Variants in NR1I3 observed in about 807,000 individuals in gnomAD.
NR1I3 encodes constitutive activator of retinoid response.
In NR1I3, 30 loss-of-function variants were observed where a neutral mutation model predicts 38.4. That is an observed-to-expected ratio of 0.78 (90% CI 0.58 to 1.06). The LOEUF (loss-of-function observed/expected upper bound fraction) is 1.06, where lower values mean the gene tolerates loss of function less well. Ranked by LOEUF, NR1I3 falls within the 50% of genes least tolerant of loss-of-function variation. NR1I3 has a pLI of 0.00. For synonymous variants in NR1I3, 143 were observed against 165.1 expected (o/e 0.87, Z 1.03); for missense variants, 388 against 435.7 (o/e 0.89, Z 0.97).
chr1:161,237,729 A>G (rs555127693), intron 1 of NR1I3, among the ~76,000 whole-genome samples: 4 of 147,132 alleles, frequency 2.7e-5, no homozygotes, highest in Non-Finnish European at 6.2e-5. Flanking sequence ...AAAAAAACCC[A>G]AAAAAACAAA....
intron 1 of NR1I3, among the ~76,000 whole-genome samples, chr1:161,237,196 C>T (rs544415176): frequency 6.8e-6 from 1 of 147,510 alleles, no homozygotes; most frequent in Admixed American, 6.8e-5. Flanking sequence ...CTCTCTTATT[C>T]CTTTCTTTCC....
At chr1:161,231,051 T>C (rs751396433) in intron 7 of NR1I3, 66 bp downstream of exon 7, 1 of 1,613,806 alleles carries the variant, frequency 6.2e-7, no homozygotes, top group South Asian at 1.1e-5. Flanking sequence ...GTGGATGGAC[T>C]CAAGGAGCTG....
In NR1I3 at chr1:161,238,033, T is replaced by C. The variant is rs371475713; in HGVS notation, c.-34+8A>G. 6.2e-7 allele frequency: 1 copy of C among 1,613,144 alleles called. No individual in the cohort carries two copies. The highest frequency in any genetic ancestry group is 8.5e-7 in the Non-Finnish European group (1 of 1,179,134). ...CATTTAGTCTTTGGTCCCCAACAGA[T>C]TTCCTACCTGCTTCTCTTAGGCAGC... On this transcript the variant is annotated splice_region_variant and intron_variant, in intron 1 of 8. Transcript: ENST00000367983.
At position 161,233,591 on chromosome 1, in the gene NR1I3, G is replaced by A. The variant is rs181887994; in HGVS notation, c.239-253C>T. Among the ~76,000 whole-genome samples the A allele has an allele frequency of 2.5e-3, 381 of 152,256 alleles. 1 individual carries two copies. The highest frequency in any genetic ancestry group is 4.3e-3 in the Non-Finnish European group (294 of 68,032). On this transcript the variant is annotated intron_variant, in intron 3 of 8. Transcript: ENST00000367983. ...CTGTGGGGGAGAAGGGAAGGGTGGC[G>A]AGGAAAGTATGAAAGATGTGAGGAA...
rs369311646 is a variant in NR1I3, at chr1:161,229,806, G to T, written c.1038C>A (p.Ile346=). The change falls in exon 9 of 9, where the codon ATC becomes ATA. Residue 346 remains isoleucine, a synonymous_variant. Transcript: ENST00000367983. ...LSAMMPLLQE[I]CS ...GGAAGTGAGCATGGCCTCAGCTGCA[G>T]ATCTCCTGGAGCAGCGGCATCATGG... The T allele has an allele frequency of 6.2e-6, 10 of 1,614,242 alleles. No homozygotes were observed. The highest frequency in any genetic ancestry group is 1.7e-5 in the Admixed American group (1 of 60,020).
At position 161,230,814 on chromosome 1, in the gene NR1I3, G is replaced by T; in HGVS notation, c.916C>A (p.Arg306=). ...IKGQQRRPRD[R]FLYAKLLGLL... ...CAAGCCCTCAGTGTCCCACCGTACC[G>T]ATCCCGGGGCCTTCGCTGCTGGCCC... The change falls in exon 8 of 9, where the codon CGG becomes AGG. Residue 306 remains arginine, a splice_region_variant and synonymous_variant. Coordinates refer to ENST00000367983, the MANE Select transcript of NR1I3 (RefSeq NM_005122.5). 6.2e-7 allele frequency: 1 copy of T among 1,614,062 alleles called. No individual in the cohort carries two copies. Among genetic ancestry groups the T allele is most frequent in the Middle Eastern group, 1.6e-4 (1 of 6,062 alleles).
At chr1:161,236,712 C>T (rs1452461339) in intron 1 of NR1I3, 114 bp from the exon 2 acceptor site, 10 of 1,070,044 alleles carry the variant, frequency 9.3e-6, no homozygotes, top group South Asian at 3.5e-5. Flanking sequence ...TGATCCCTGG[C>T]GTTATCTTTT....
chr1:161,233,837 ATGTG>A (rs761756944), intron 3 of NR1I3, among the ~76,000 whole-genome samples: 7,211 of 118,350 alleles, frequency 0.061, 194 homozygotes, highest in African/African-American at 0.078. Flanking sequence ...TCATATATAT[ATGTG>A]TGTGTGTGTG....
rs1667238801 is a variant in NR1I3, at chr1:161,231,406, A to T, written c.617T>A (p.Leu206His). The T allele has an allele frequency of 6.4e-7, 1 of 1,570,112 alleles. No individual in the cohort carries two copies. Among genetic ancestry groups the T allele is most frequent in the Non-Finnish European group, 8.6e-7 (1 of 1,164,638 alleles). ...TGTTTGGAGACAGAAAGTGGTATTG[A>T]GTACGATGTGACAGATTTCCACAGC... The part of the protein sequence containing the change: ...GAAVEICHIV[L>H]NTTFCLQTQN... The change falls in exon 6 of 9, where the codon CTC (leucine) becomes CAC (histidine). Residue 206 changes from leucine (L) to histidine (H), a missense_variant. By Grantham distance (99) the Leu-to-His change is moderately conservative. Transcript: ENST00000367983.
In NR1I3 at chr1:161,236,605, G is replaced by C. The variant is rs753005367; in HGVS notation, c.-33-7C>G. ...GGGTGGCTGTCACAGACTCCTGAAT[G>C]TAGGAGGGGTCAGCAGTCAGTTTTG... is the stretch of plus-strand genomic sequence containing the variant. On this transcript the variant is annotated splice_region_variant and splice_polypyrimidine_tract_variant and intron_variant, in intron 1 of 8. Coordinates refer to ENST00000367983, the MANE Select transcript of NR1I3 (RefSeq NM_005122.5). 1 of 1,612,480 alleles carries C rather than the reference G, an allele frequency of 6.2e-7. No individual in the cohort carries two copies. The highest frequency in any genetic ancestry group is 8.5e-7 in the Non-Finnish European group (1 of 1,179,448).
chr1:161,229,796 C>T lies in NR1I3; in HGVS notation c.*1G>A. The T allele has an allele frequency of 1.2e-6, 2 of 1,614,208 alleles. No individual in the cohort carries two copies. Among genetic ancestry groups the T allele is most frequent in the Non-Finnish European group, 1.7e-6 (2 of 1,180,042 alleles). ...AGCTGGGGAAGGAAGTGAGCATGGCCTCAGCTGCAGATCTCCTGGAGCAGC... is the reference window on the plus strand; with the variant it reads ...AGCTGGGGAAGGAAGTGAGCATGGCTTCAGCTGCAGATCTCCTGGAGCAGC... On this transcript the variant is annotated 3_prime_UTR_variant, in exon 9 of 9. Coordinates refer to ENST00000367983, the MANE Select transcript of NR1I3 (RefSeq NM_005122.5).
chr1:161,232,982 C>T (rs1207534577), intron 4 of NR1I3, 36 bp from the exon 5 acceptor site: 1 of 1,611,462 alleles, frequency 6.2e-7, no homozygotes, highest in East Asian at 2.2e-5. Context: ...AGGCTCTGGC[C>T]CTAGGGCCCT....
chr1:161,235,889 A>G lies in NR1I3; in HGVS notation c.196T>C (p.Cys66Arg). 1 of 1,614,124 alleles carries G rather than the reference A, an allele frequency of 6.2e-7. No homozygotes were observed. Among genetic ancestry groups the G allele is most frequent in the Non-Finnish European group, 8.5e-7 (1 of 1,179,998 alleles). Residue 66 changes from cysteine to arginine, a missense_variant, in exon 3 of 9, where the codon TGC (cysteine) becomes CGC (arginine). Coordinates refer to ENST00000367983, the MANE Select transcript of NR1I3 (RefSeq NM_005122.5). ...SKTQRRHCPA[C>R]RLQKCLDAGM... Reference sequence around the variant, plus strand: ...GCATCTAAGCACTTCTGCAACCTGCAGGCTGGGCAGTGGCGCCTCTGAGTC... The same window carrying G: ...GCATCTAAGCACTTCTGCAACCTGCGGGCTGGGCAGTGGCGCCTCTGAGTC...
At chr1:161,230,532 C>T (rs761284870) in intron 8 of NR1I3, 3 of 549,588 alleles carry the variant, frequency 5.5e-6, no homozygotes, top group Non-Finnish European at 9.6e-6. Context: ...TGTCATCAAT[C>T]TCAGGAATGC....
intron 1 of NR1I3, among the ~76,000 whole-genome samples, chr1:161,237,740 AC>A (rs1668883475): frequency 6.6e-6 from 1 of 151,958 alleles, no homozygotes; most frequent in African/African-American, 2.4e-5. Context: ...AAAAAACAAA[AC>A]AAAAAACAAA....
intron 1 of NR1I3, 128 bp downstream of exon 1, chr1:161,237,913 G>A (rs561131778): frequency 1.1e-6 from 1 of 886,902 alleles, no homozygotes; most frequent in South Asian, 1.4e-5. Context: ...TGAACTCCTG[G>A]GCTCAAGCGA....
intron 3 of NR1I3, among the ~76,000 whole-genome samples, chr1:161,233,887 G>A (rs934061493): frequency 1.1e-4 from 11 of 100,596 alleles, no homozygotes; most frequent in South Asian, 8.8e-4. Flanking sequence ...GTGTGTGTGT[G>A]TATATGTGTG....
Position 161,236,479 on chromosome 1 carries a change from C to A in NR1I3, c.87G>T (p.Glu29Asp). ...TGYHFNALTC[E>D]GCKGFFRRTV... ...CTCACCTGAAGAAACCCTTGCAGCC[C>A]TCACAAGTCAGCGCATTAAAGTGGT... The change falls in exon 2 of 9, where the codon GAG becomes GAT. Residue 29 changes from glutamate (E) to aspartate (D), a missense_variant. By Grantham distance (45) the Glu-to-Asp change is conservative. Coordinates refer to ENST00000367983, the MANE Select transcript of NR1I3 (RefSeq NM_005122.5). 1 of 1,614,178 alleles carries A rather than the reference C, an allele frequency of 6.2e-7. No individual in the cohort carries two copies.
At chr1:161,231,010 G>T (rs1258569791) in intron 7 of NR1I3, 92 bp from the exon 8 acceptor site, 1 of 1,612,438 alleles carries the variant, frequency 6.2e-7, no homozygotes, top group Admixed American at 1.7e-5. Flanking sequence ...GACCTAGTCT[G>T]CAGGTTTGAT....
Sources: gnomAD v4.1 joint callset for allele counts (sites outside exome capture counted in the v4.1 genomes callset) on GRCh38, gnomAD v4.1.1 for gene constraint, MANE v1.5 for transcripts, NCBI Gene and HGNC (gene_info 2026-07-23, HGNC 2026-07-21) for gene names.